Variants in LARGE1 observed in about 807,000 individuals in gnomAD.
The protein encoded by LARGE1 is LARGE xylosyl- and glucuronyltransferase 1, also known as xylosyl- and glucuronyltransferase LARGE1.
LARGE1 carries 43 observed loss-of-function variants against 87.6 expected under a neutral mutation model. The observed-to-expected ratio is 0.49, with a 90% CI of 0.38 to 0.63. The LOEUF (loss-of-function observed/expected upper bound fraction) is 0.63, where lower values mean the gene tolerates loss of function less well. Among genes scored for constraint, LARGE1 ranks in the 30% least tolerant of loss-of-function variants. The pLI is 0.00. For synonymous variants in LARGE1, 434 were observed against 394.6 expected, an observed-to-expected ratio of 1.10 and a Z score of -1.18; for missense variants, 802 against 1,000.2, an observed-to-expected ratio of 0.80 and a Z score of 2.67.
At chr22:33,205,302 G>C (rs1924619714) in intron 11 of LARGE1, among the ~76,000 whole-genome samples, 1 of 152,188 alleles carries the variant, frequency 6.6e-6, no homozygotes, top group Non-Finnish European at 1.5e-5. Context: ...CTGAGAGACT[G>C]CTATGTGCCA....
intron 2 of LARGE1, among the ~76,000 whole-genome samples, chr22:33,754,342 T>C (rs1287410607): frequency 8.9e-6 from 1 of 111,800 alleles, no homozygotes; most frequent in Non-Finnish European, 1.7e-5. Context: ...AAAAAGTTCT[T>C]TTTTTTTTTT....
intron 13 of LARGE1, among the ~76,000 whole-genome samples, chr22:33,278,282 A>T (rs1239332061): frequency 6.6e-6 from 1 of 152,130 alleles, no homozygotes; most frequent in African/African-American, 2.4e-5. Context: ...AATTCTGCTA[A>T]CCACCAGTGA....
At chr22:33,088,335 C>T in the LARGE1 span, among the ~76,000 whole-genome samples, 16 of 152,268 alleles carry the variant, frequency 1.1e-4, no homozygotes, top group East Asian at 3.9e-4. Flanking sequence ...CCCCACACCA[C>T]AGCTCATTAG....
intron 6 of LARGE1, among the ~76,000 whole-genome samples, chr22:33,523,220 T>C (rs1022319007): frequency 1.3e-5 from 2 of 152,034 alleles, no homozygotes; most frequent in South Asian, 4.1e-4. Flanking sequence ...GTCAGGCTGG[T>C]CTCGAACTCC....
At chr22:33,121,156 T>C in the LARGE1 span, among the ~76,000 whole-genome samples, 1 of 152,110 alleles carries the variant, frequency 6.6e-6, no homozygotes, top group Non-Finnish European at 1.5e-5. Flanking sequence ...TGACATCTAA[T>C]TGTTGTTCCA....
intron 2 of LARGE1, among the ~76,000 whole-genome samples, chr22:33,731,555 G>C (rs1313295464): frequency 6.6e-6 from 1 of 152,112 alleles, no homozygotes; most frequent in Non-Finnish European, 1.5e-5. Flanking sequence ...CCTGGGGCTG[G>C]GGGGAGGAAG....
chr22:33,316,944 T>G (rs1386028843), intron 10 of LARGE1, among the ~76,000 whole-genome samples: 1 of 152,160 alleles, frequency 6.6e-6, no homozygotes. Flanking sequence ...CTGGGCACGG[T>G]GGCTCATGCC....
intron 9 of LARGE1, among the ~76,000 whole-genome samples, chr22:33,380,184 GGTTTT>G (rs1334221182): frequency 6.6e-6 from 1 of 152,032 alleles, no homozygotes; most frequent in Non-Finnish European, 1.5e-5. Flanking sequence ...TTACACAGTT[GGTTTT>G]ATTTCGCCCC....
At chr22:33,867,355 A>G (rs1417244764) in intron 1 of LARGE1, among the ~76,000 whole-genome samples, 1 of 151,992 alleles carries the variant, frequency 6.6e-6, no homozygotes, top group East Asian at 1.9e-4. Context: ...CTCTGCTCTG[A>G]CTCATCCTGT....
intron 9 of LARGE1, among the ~76,000 whole-genome samples, chr22:33,381,512 C>T (rs1441912441): frequency 6.6e-6 from 1 of 152,146 alleles, no homozygotes. Context: ...CTTCTTTGCA[C>T]ATTTCTCTCC....
intron 11 of LARGE1, among the ~76,000 whole-genome samples, chr22:33,248,691 C>T (rs1926880901): frequency 6.6e-6 from 1 of 152,182 alleles, no homozygotes; most frequent in Non-Finnish European, 1.5e-5. Context: ...ATTTCCACTG[C>T]TCTAAAATTT....
At chr22:33,843,214 T>C (rs1270716692) in intron 1 of LARGE1, among the ~76,000 whole-genome samples, 1 of 152,100 alleles carries the variant, frequency 6.6e-6, no homozygotes, top group Non-Finnish European at 1.5e-5. Flanking sequence ...CTTTGTTCAG[T>C]ATACTGCAGT....
chr22:33,483,729 C>T (rs2069438101), intron 6 of LARGE1, among the ~76,000 whole-genome samples: 1 of 152,208 alleles, frequency 6.6e-6, no homozygotes, highest in African/African-American at 2.4e-5. Flanking sequence ...ATTAAATTAT[C>T]TTCACTCTGT....
the LARGE1 span, among the ~76,000 whole-genome samples, chr22:33,067,967 G>A: frequency 3.6e-4 from 55 of 151,368 alleles, no homozygotes; most frequent in African/African-American, 1.3e-3. Context: ...GCGACAATGC[G>A]AGACTGTCTC....
chr22:33,236,862 T>G (rs1349495082), intron 11 of LARGE1, among the ~76,000 whole-genome samples: 1 of 152,152 alleles, frequency 6.6e-6, no homozygotes, highest in Non-Finnish European at 1.5e-5. Flanking sequence ...AAAGAGAGAC[T>G]TAAGTAAGCG....
chr22:33,167,929 T>C (rs1298323726), intron 11 of LARGE1, among the ~76,000 whole-genome samples: 2 of 152,170 alleles, frequency 1.3e-5, no homozygotes, highest in African/African-American at 4.8e-5. Context: ...CATACCCCAA[T>C]TAACAAAATG....
chr22:33,198,676 C>CACACACAT (rs60375534), intron 11 of LARGE1, among the ~76,000 whole-genome samples: 4 of 148,460 alleles, frequency 2.7e-5, no homozygotes, highest in African/African-American at 5.0e-5. Context: ...CACACACACA[C>CACACACAT]GTATCTAAAA....
At chr22:33,736,274 C>T (rs1226279667) in intron 2 of LARGE1, among the ~76,000 whole-genome samples, 4 of 152,184 alleles carry the variant, frequency 2.6e-5, no homozygotes, top group Non-Finnish European at 4.4e-5. Flanking sequence ...TATAAGGGTT[C>T]CGATTTCTCC....
intron 11 of LARGE1, among the ~76,000 whole-genome samples, chr22:33,197,428 AG>A (rs1568969485): frequency 6.6e-6 from 1 of 152,082 alleles, no homozygotes; most frequent in East Asian, 1.9e-4. Context: ...AGAGTTAAAA[AG>A]TGAATTTATT....
Sources: allele counts gnomAD v4.1 joint callset (sites outside exome capture counted in the v4.1 genomes callset), GRCh38; gene constraint gnomAD v4.1.1; transcripts MANE v1.5; gene names NCBI Gene and HGNC (gene_info 2026-07-23, HGNC 2026-07-21).